Variants in HECW1 observed in about 807,000 individuals in gnomAD.
HECW1 encodes E3 ubiquitin-protein ligase HECW1.
Under a neutral mutation model 182.3 loss-of-function variants are expected in HECW1, and 61 were observed. That is an observed-to-expected ratio of 0.33 (90% confidence interval 0.27 to 0.41). The LOEUF is 0.41. Among genes scored for constraint, HECW1 ranks in the 10% least tolerant of loss-of-function variants. The pLI, the probability that HECW1 is intolerant of heterozygous loss-of-function variation, is 1.00. For synonymous variants in HECW1, 859 were observed against 832.6 expected (o/e 1.03, Z -0.55); for missense variants, 1,739 against 2,108.9 (o/e 0.82, Z 3.44).
chr7:43,519,653 C>T lies in HECW1; in HGVS notation c.4019+10532C>T, dbSNP rs571800035. 1.2e-4 allele frequency among the ~76,000 whole-genome samples: 18 copies of T among 152,216 alleles called. No homozygotes were observed. In the South Asian group the frequency reaches 3.3e-3, roughly 28 times the overall value. On this transcript the variant is annotated intron_variant, in intron 24 of 29. Transcript: ENST00000395891. ...ACCTAGAAGCAATGCAAATGTCCAT[C>T]GGCAGGGGAATGGTTAAATGTATTA...
chr7:43,435,150 T>C (rs779261655), intron 8 of HECW1, among the ~76,000 whole-genome samples: 2 of 150,572 alleles, frequency 1.3e-5, no homozygotes, highest in Non-Finnish European at 3.0e-5. Context: ...TATATATTTA[T>C]ATATAAATTA....
At chr7:43,118,963 G>T (rs756005527) in intron 2 of HECW1, 1 of 152,130 alleles carries the variant, frequency 6.6e-6, no homozygotes, top group African/African-American at 2.4e-5. Flanking sequence ...CTTCAAAAAG[G>T]TTGTCCCACT....
At chr7:43,199,403 T>G (rs1794830049) in intron 2 of HECW1, among the ~76,000 whole-genome samples, 1 of 152,264 alleles carries the variant, frequency 6.6e-6, no homozygotes, top group Admixed American at 6.5e-5. Context: ...AGAGTTTCCA[T>G]GATCAATTTA....
At chr7:43,410,118 G>A (rs1286268113) in intron 8 of HECW1, among the ~76,000 whole-genome samples, 1 of 152,132 alleles carries the variant, frequency 6.6e-6, no homozygotes, top group East Asian at 1.9e-4. Flanking sequence ...CAAATTCCAG[G>A]CAGGAAGAAA....
chr7:43,127,523 C>CAAAAAAAAAA (rs71562078), intron 2 of HECW1, among the ~76,000 whole-genome samples: 5 of 57,260 alleles, frequency 8.7e-5, no homozygotes, highest in Non-Finnish European at 1.3e-4. Flanking sequence ...AACTCCATCT[C>CAAAAAAAAAA]AAAAAAAAAA....
At position 43,552,302 on chromosome 7, in the gene HECW1, A is replaced by T; in HGVS notation, c.4476A>T (p.Leu1492=). 6.2e-7 allele frequency: 1 copy of T among 1,613,790 alleles called. No homozygotes were observed. Among genetic ancestry groups the T allele is most frequent in the African/African-American group, 1.3e-5 (1 of 75,048 alleles). Residue 1492 remains leucine, a synonymous_variant, in exon 28 of 30, where the codon CTA becomes CTT. Transcript: ENST00000395891. ...LVIAGTAEID[L]NDWRNNTEYR... ...TAGCTGGCACCGCGGAAATCGACCT[A>T]AATGACTGGCGGAATAACACTGAGT...
intron 3 of HECW1, among the ~76,000 whole-genome samples, chr7:43,265,325 C>T (rs965038260): frequency 6.6e-6 from 1 of 152,146 alleles, no homozygotes; most frequent in African/African-American, 2.4e-5. Flanking sequence ...AACTCATTGG[C>T]CAGAATTGGT....
chr7:43,205,088 A>AT (rs557651116), intron 2 of HECW1, among the ~76,000 whole-genome samples: 98 of 147,198 alleles, frequency 6.7e-4, no homozygotes, highest in African/African-American at 8.7e-4. Context: ...ACAAACAGTA[A>AT]TTTTTTTTTT....
chr7:43,465,474 A>G (rs1318942849), intron 14 of HECW1, among the ~76,000 whole-genome samples: 1 of 152,226 alleles, frequency 6.6e-6, no homozygotes, highest in African/African-American at 2.4e-5. Context: ...GGCTTGCCCA[A>G]GCTCATTCTC....
At chr7:43,191,863 G>T (rs1193168729) in intron 2 of HECW1, among the ~76,000 whole-genome samples, 3 of 152,128 alleles carry the variant, frequency 2.0e-5, no homozygotes, top group African/African-American at 7.2e-5. Flanking sequence ...AAAACACAAG[G>T]TGCAAAATAC....
At chr7:43,488,973 C>T (rs942889540) in intron 17 of HECW1, among the ~76,000 whole-genome samples, 1 of 152,208 alleles carries the variant, frequency 6.6e-6, no homozygotes, top group Non-Finnish European at 1.5e-5. Context: ...TCTGGCTCAG[C>T]TTTACCCGTG....
chr7:43,504,906 T>G (rs2079514917), intron 21 of HECW1, among the ~76,000 whole-genome samples: 1 of 152,154 alleles, frequency 6.6e-6, no homozygotes, highest in Non-Finnish European at 1.5e-5. Flanking sequence ...GGAGGTGTCC[T>G]CACTAAGGTC....
intron 2 of HECW1, among the ~76,000 whole-genome samples, chr7:43,184,303 G>T (rs1203033345): frequency 1.3e-5 from 2 of 152,150 alleles, no homozygotes; most frequent in Non-Finnish European, 2.9e-5. Flanking sequence ...GTGAGCCACC[G>T]CCCTGCCAAT....
At chr7:43,194,185 C>T (rs962137176) in intron 2 of HECW1, among the ~76,000 whole-genome samples, 19 of 152,018 alleles carry the variant, frequency 1.2e-4, no homozygotes, top group African/African-American at 4.1e-4. Flanking sequence ...TTCTTTGGGT[C>T]CTCTTGGCCA....
intron 2 of HECW1, among the ~76,000 whole-genome samples, chr7:43,193,239 G>T (rs1033972070): frequency 3.9e-5 from 6 of 152,178 alleles, no homozygotes; most frequent in Non-Finnish European, 7.3e-5. Context: ...GTTTTGGCAG[G>T]TTTTGGCCGG....
At chr7:43,155,666 T>A (rs7357307) in intron 2 of HECW1, among the ~76,000 whole-genome samples, 56,056 of 151,856 alleles carry the variant, frequency 0.37, 11,050 homozygotes, top group African/African-American at 0.51. Context: ...CTACTCAGTT[T>A]GTATTACCGT....
At chr7:43,447,182 A>G (rs1363691536) in intron 11 of HECW1, among the ~76,000 whole-genome samples, 1 of 149,718 alleles carries the variant, frequency 6.7e-6, no homozygotes, top group Non-Finnish European at 1.5e-5. Flanking sequence ...TTTTTTTTGT[A>G]TTAAAAAGTG....
chr7:43,398,231 T>C (rs2075294822), intron 7 of HECW1, among the ~76,000 whole-genome samples: 2 of 152,080 alleles, frequency 1.3e-5, no homozygotes, highest in African/African-American at 4.8e-5. Context: ...TACTCCAACC[T>C]AAGCAACAGA....
intron 16 of HECW1, among the ~76,000 whole-genome samples, chr7:43,473,034 T>C (rs2078081913): frequency 6.6e-6 from 1 of 152,196 alleles, no homozygotes; most frequent in Non-Finnish European, 1.5e-5. Context: ...GGAAGGTGTT[T>C]GGGTCACAGG....
Sources: allele counts gnomAD v4.1 joint callset (sites outside exome capture counted in the v4.1 genomes callset), GRCh38; gene constraint gnomAD v4.1.1; transcripts MANE v1.5; gene names NCBI Gene and HGNC (gene_info 2026-07-23, HGNC 2026-07-21).